The following TAS2R1 variants were observed in gnomAD, a reference collection of about 807,000 sequenced individuals.
TAS2R1 encodes the protein taste receptor type 2 member 1.
For synonymous variants in TAS2R1, 141 were observed against 134.2 expected (o/e 1.05, Z -0.35); for missense variants, 370 against 353.4 (o/e 1.05, Z -0.38).
intron 1 of TAS2R1, among the ~76,000 whole-genome samples, chr5:9,685,153 A>T (rs369665487): frequency 5.3e-5 from 8 of 152,194 alleles, no homozygotes; most frequent in African/African-American, 1.9e-4. Context: ...ATTCAAGGGA[A>T]AGTCAAAGGG....
At chr5:9,744,376 T>A in the TAS2R1 span, among the ~76,000 whole-genome samples, 1 of 152,214 alleles carries the variant, frequency 6.6e-6, no homozygotes, top group African/African-American at 2.4e-5. Flanking sequence ...TTCATTAGTT[T>A]TTATGGAAAA....
upstream of TAS2R1, chr5:9,714,021 G>A (rs1734757289): frequency 6.6e-6 from 1 of 152,178 alleles, no homozygotes; most frequent in Admixed American, 6.5e-5. Context: ...TTGGATGACA[G>A]TCCTACACAC....
At chr5:9,754,081 T>G in the TAS2R1 span, among the ~76,000 whole-genome samples, 4 of 152,178 alleles carry the variant, frequency 2.6e-5, no homozygotes, top group Non-Finnish European at 2.9e-5. Flanking sequence ...GCTTCATCCC[T>G]GGGATGCAAG....
At chr5:9,898,506 T>C in the TAS2R1 span, among the ~76,000 whole-genome samples, 5 of 152,186 alleles carry the variant, frequency 3.3e-5, no homozygotes, top group African/African-American at 1.2e-4. Flanking sequence ...CTCTCGCACA[T>C]GGCTTTGCCA....
At chr5:9,849,173 G>A in the TAS2R1 span, among the ~76,000 whole-genome samples, 1 of 152,220 alleles carries the variant, frequency 6.6e-6, no homozygotes, top group African/African-American at 2.4e-5. Context: ...GATCCGAACT[G>A]AAAAGACACA....
the TAS2R1 span, among the ~76,000 whole-genome samples, chr5:9,878,286 G>C: frequency 1.3e-5 from 2 of 152,184 alleles, no homozygotes; most frequent in Non-Finnish European, 2.9e-5. Context: ...CCTTAGTGGA[G>C]TACCGTATTT....
chr5:9,758,199 ATAAG>A, the TAS2R1 span, among the ~76,000 whole-genome samples: 2 of 152,210 alleles, frequency 1.3e-5, no homozygotes, highest in Non-Finnish European at 2.9e-5. Flanking sequence ...ATTCATCTCT[ATAAG>A]TAATTAGAAC....
At chr5:9,750,970 G>T in the TAS2R1 span, among the ~76,000 whole-genome samples, 1 of 151,794 alleles carries the variant, frequency 6.6e-6, no homozygotes, top group South Asian at 2.1e-4. Context: ...CGTATATGAT[G>T]ATTGATTAAA....
the TAS2R1 span, among the ~76,000 whole-genome samples, chr5:9,897,323 C>T: frequency 6.6e-6 from 1 of 152,132 alleles, no homozygotes; most frequent in Non-Finnish European, 1.5e-5. Flanking sequence ...GTGGCGCATG[C>T]CTGTAATCCC....
the TAS2R1 span, among the ~76,000 whole-genome samples, chr5:9,717,407 T>A: frequency 6.6e-6 from 1 of 151,770 alleles, no homozygotes. Context: ...GATTTGGAGG[T>A]CTCGGTGTTA....
At chr5:9,831,236 T>C in the TAS2R1 span, among the ~76,000 whole-genome samples, 16 of 150,286 alleles carry the variant, frequency 1.1e-4, no homozygotes, top group South Asian at 4.3e-4. Flanking sequence ...CAACAGCAAA[T>C]ACGTTTATTT....
At chr5:9,750,839 C>A in the TAS2R1 span, among the ~76,000 whole-genome samples, 1 of 152,154 alleles carries the variant, frequency 6.6e-6, no homozygotes, top group South Asian at 2.1e-4. Flanking sequence ...GCAGGGCAGT[C>A]ACAGACTTTA....
At chr5:9,672,511 A>G (rs1160626451) in intron 1 of TAS2R1, among the ~76,000 whole-genome samples, 1 of 152,110 alleles carries the variant, frequency 6.6e-6, no homozygotes, top group African/African-American at 2.4e-5. Context: ...CATACACACA[A>G]TCAACAATCA....
At chr5:9,676,666 T>A (rs779629861) in intron 1 of TAS2R1, among the ~76,000 whole-genome samples, 3 of 152,032 alleles carry the variant, frequency 2.0e-5, no homozygotes, top group Non-Finnish European at 4.4e-5. Context: ...GAAGAAAACA[T>A]AGGAGAAAAA....
chr5:9,745,682 T>C, the TAS2R1 span, among the ~76,000 whole-genome samples: 1 of 152,088 alleles, frequency 6.6e-6, no homozygotes, highest in African/African-American at 2.4e-5. Flanking sequence ...ATTCTCTATT[T>C]AATAAATGGT....
At chr5:9,840,875 T>TAC in the TAS2R1 span, among the ~76,000 whole-genome samples, 3 of 27,524 alleles carry the variant, frequency 1.1e-4, no homozygotes, top group Admixed American at 1.1e-3. Flanking sequence ...TTTTTTTTTT[T>TAC]TTTTTTTTTT....
chr5:9,777,457 G>A, the TAS2R1 span, among the ~76,000 whole-genome samples: 11 of 152,162 alleles, frequency 7.2e-5, no homozygotes, highest in African/African-American at 1.2e-4. Flanking sequence ...CAATTCAGTC[G>A]CATCTTCGGG....
chr5:9,742,481 G>T, the TAS2R1 span, among the ~76,000 whole-genome samples: 1 of 152,124 alleles, frequency 6.6e-6, no homozygotes, highest in African/African-American at 2.4e-5. Context: ...CAGCCACATG[G>T]AAACAGAAGA....
At chr5:9,816,339 G>A in the TAS2R1 span, among the ~76,000 whole-genome samples, 9 of 152,038 alleles carry the variant, frequency 5.9e-5, no homozygotes, top group South Asian at 2.1e-4. Flanking sequence ...ATAATCAATC[G>A]CAATTGATTA....
Sources: gnomAD v4.1 joint callset for allele counts (sites outside exome capture counted in the v4.1 genomes callset) on GRCh38, gnomAD v4.1.1 for gene constraint, MANE v1.5 for transcripts, NCBI Gene and HGNC (gene_info 2026-07-23, HGNC 2026-07-21) for gene names.